TCF7: variants seen among roughly 807,000 people sequenced by gnomAD.
TCF7 encodes transcription factor 7, also known as T-cell-factor-7.
A neutral mutation model predicts 46.8 loss-of-function variants in TCF7; 19 were observed. The observed-to-expected ratio is 0.41, with a 90% CI of 0.28 to 0.60. The LOEUF is 0.60. TCF7 is among the 20% of genes least tolerant of loss of function. The probability of loss-of-function intolerance (pLI) is 0.35; values close to 1 mark genes in which losing one functional copy is unlikely to be tolerated. For synonymous variants in TCF7, 245 were observed against 213.4 expected (o/e 1.15, Z -1.29); for missense variants, 547 against 504.6 (o/e 1.08, Z -0.81).
Position 134,142,308 on chromosome 5 carries a change from A to G in TCF7, c.755+4A>G. 2 of 1,576,648 alleles carry G rather than the reference A, an allele frequency of 1.3e-6. No homozygotes were observed. The highest frequency in any genetic ancestry group is 8.7e-7 in the Non-Finnish European group (1 of 1,155,832). On this transcript the variant is annotated splice_donor_region_variant and intron_variant, in intron 6 of 9. Transcript: ENST00000342854. ...TGCAGCCCTTCGACCGCAACCTGTG[A>G]GTGAAAAGACAATGATGGCAGGGGG... is the stretch of plus-strand genomic sequence containing the variant.
At position 134,147,216 on chromosome 5, in the gene TCF7, C is replaced by T. The variant is rs918556348; in HGVS notation, c.*913C>T. The T allele has an allele frequency of 1.3e-5, 2 of 152,262 alleles. No homozygotes were observed. Among genetic ancestry groups the T allele is most frequent in the African/African-American group, 4.8e-5 (2 of 41,436 alleles). The allele number at this position is 152,262 out of a possible 1,614,324, so 9.4% of individuals were successfully genotyped here. A position where few individuals can be genotyped will look rare whatever the true frequency, so the allele number is the denominator to read the frequency against. ...ATTGGGGAGGGGAGGGTGTATCTAG[C>T]TCTAGTTCAAATTATTTGGAAGTGT... On this transcript the variant is annotated 3_prime_UTR_variant, in exon 10 of 10. Coordinates refer to ENST00000342854, the MANE Select transcript of TCF7 (RefSeq NM_003202.5).
chr5:134,142,928 T>C (rs1179099729), intron 7 of TCF7, 45 bp downstream of exon 7: 3 of 1,611,634 alleles, frequency 1.9e-6, no homozygotes, highest in African/African-American at 2.7e-5. Flanking sequence ...TCCCCGACCA[T>C]CTTCAGCCTG....
At position 134,146,601 on chromosome 5, in the gene TCF7, G is replaced by A. The variant is rs919788712; in HGVS notation, c.*298G>A. 3 of 688,970 alleles carry A rather than the reference G, an allele frequency of 4.4e-6. No homozygotes were observed. The East Asian group carries it at 8.1e-5, about 19-fold the overall frequency. The allele number at this position is 688,970 out of a possible 1,614,324, so 42.7% of individuals were successfully genotyped here. A position where few individuals can be genotyped will look rare whatever the true frequency, so the allele number is the denominator to read the frequency against. ...ACCCAGATCTCATGGAAACTGGCCA[G>A]GGGTCCTGTTAACGTCATCTCAGGG... On this transcript the variant is annotated 3_prime_UTR_variant, in exon 10 of 10. Transcript: ENST00000342854.
Position 134,146,451 on chromosome 5 carries a change from C to T in TCF7, c.*148C>T. 1.1e-6 allele frequency: 1 copy of T among 912,018 alleles called. No individual in the cohort carries two copies. 56.5% of individuals were successfully genotyped at this position (912,018 alleles called of 1,614,324 possible). On this transcript the variant is annotated 3_prime_UTR_variant, in exon 10 of 10. Coordinates refer to ENST00000342854, the MANE Select transcript of TCF7 (RefSeq NM_003202.5). Reference sequence around the variant, plus strand: ...CTCAGCCTCCCAACCCCAGGGCCCCCACAGGCCCCCCGCAGCACCCTGCAG... The same window carrying T: ...CTCAGCCTCCCAACCCCAGGGCCCCTACAGGCCCCCCGCAGCACCCTGCAG...
At chr5:134,118,619 G>A (rs569500025) in intron 3 of TCF7, among the ~76,000 whole-genome samples, 94 of 152,190 alleles carry the variant, frequency 6.2e-4, no homozygotes, top group African/African-American at 1.4e-3. Flanking sequence ...TTCCAAAAAG[G>A]TTCCTTCTTT....
At chr5:134,117,783 A>G (rs1448672783) in intron 3 of TCF7, among the ~76,000 whole-genome samples, 1 of 152,030 alleles carries the variant, frequency 6.6e-6, no homozygotes, top group Non-Finnish European at 1.5e-5. Context: ...ATACATTTCT[A>G]TGTATCGCAC....
In TCF7 at chr5:134,142,698, C is replaced by T. The variant is rs369306035; in HGVS notation, c.756-23C>T. 92 of 1,612,722 alleles carry T rather than the reference C, an allele frequency of 5.7e-5. No homozygotes were observed. In the African/African-American group the frequency reaches 1.1e-3, roughly 20 times the overall value. ...GGTGGGCACTCGGGGGGCTCCTGAACAATCTGGATTTGTGCCCCTCAGGAA... is the reference window on the plus strand; with the variant it reads ...GGTGGGCACTCGGGGGGCTCCTGAATAATCTGGATTTGTGCCCCTCAGGAA... On this transcript the variant is annotated intron_variant, in intron 6 of 9. Transcript: ENST00000342854.
At chr5:134,145,335 TG>T in intron 9 of TCF7, 1 of 541,484 alleles carries the variant, frequency 1.8e-6, no homozygotes, top group Non-Finnish European at 3.6e-6. Context: ...ACCATCTGGT[TG>T]CCAGGTAGCC....
intron 3 of TCF7, among the ~76,000 whole-genome samples, chr5:134,135,883 C>G (rs890507913): frequency 1.3e-5 from 2 of 152,196 alleles, no homozygotes; most frequent in African/African-American, 4.8e-5. Flanking sequence ...GTGTGGCATT[C>G]TGCAAGCCAA....
chr5:134,113,743 A>G (rs1561640401), upstream of TCF7, among the ~76,000 whole-genome samples: 1 of 152,228 alleles, frequency 6.6e-6, no homozygotes, highest in Non-Finnish European at 1.5e-5. Context: ...GCTGGAATCC[A>G]GGCACTTTCC....
In TCF7 at chr5:134,115,427, A is replaced by G. The variant is rs374051038; in HGVS notation, c.316+40A>G. ...GGCCCGGCTTCCCTTCGTCGCGCTC[A>G]GGCCCTGGCCTCGGTGGGACGGGGA... On this transcript the variant is annotated intron_variant, in intron 2 of 9. Coordinates refer to ENST00000342854, the MANE Select transcript of TCF7 (RefSeq NM_003202.5). 1.4e-5 allele frequency: 22 copies of G among 1,567,288 alleles called. No individual in the cohort carries two copies. In the East Asian group the frequency reaches 3.6e-4, roughly 25 times the overall value.
intron 4 of TCF7, 112 bp from the exon 5 acceptor site, chr5:134,138,839 A>G (rs1759293715): frequency 2.7e-6 from 4 of 1,493,564 alleles, no homozygotes; most frequent in Non-Finnish European, 3.6e-6. Context: ...CTGGTCCTCT[A>G]GCAAAGCTGG....
At chr5:134,145,170 C>T in intron 9 of TCF7, 1 of 613,076 alleles carries the variant, frequency 1.6e-6, no homozygotes, top group South Asian at 1.4e-5. Context: ...AGCAAACAGA[C>T]AGCTCAGCCA....
intron 5 of TCF7, among the ~76,000 whole-genome samples, chr5:134,140,279 T>C (rs1580883042): frequency 6.6e-6 from 1 of 152,214 alleles, no homozygotes; most frequent in South Asian, 2.1e-4. Context: ...GAACTCAGTC[T>C]ACCTCGTGGG....
rs1382023967 is a variant in TCF7, at chr5:134,138,962, C to T, written c.559C>T (p.Leu187=). The T allele has an allele frequency of 6.2e-6, 10 of 1,614,008 alleles. No homozygotes were observed. In the South Asian group the frequency reaches 1.1e-4, roughly 18 times the overall value. Reference sequence around the variant, plus strand: ...TCTCTCCTCTGCAGTTCACAGGCCTCTGCAGACCCCTGACCTCTCTGGCTT... The same window carrying T: ...TCTCTCCTCTGCAGTTCACAGGCCTTTGCAGACCCCTGACCTCTCTGGCTT... The part of the protein sequence containing the change: ...DISQKQVHRP[L]QTPDLSGFYS... The change falls in exon 5 of 10, where the codon CTG becomes TTG. Residue 187 remains leucine, a synonymous_variant. Transcript: ENST00000342854.
intron 9 of TCF7, 51 bp from the exon 10 acceptor site, chr5:134,146,173 T>C (rs754035696): frequency 1.2e-6 from 2 of 1,614,056 alleles, no homozygotes; most frequent in South Asian, 1.1e-5. Context: ...TTGTGGTGTA[T>C]GACTATGAAT....
At chr5:134,138,873 AGG>A in intron 4 of TCF7, 76 bp from the exon 5 acceptor site, 2 of 1,579,968 alleles carry the variant, frequency 1.3e-6, no homozygotes, top group South Asian at 1.1e-5. Context: ...CCCCTGTAGG[AGG>A]TTCTAGGATG....
intron 3 of TCF7, among the ~76,000 whole-genome samples, chr5:134,133,509 G>A (rs1319892891): frequency 6.6e-6 from 1 of 152,174 alleles, no homozygotes; most frequent in Non-Finnish European, 1.5e-5. Context: ...CTGGCCCTGA[G>A]ACAGCCTTGT....
chr5:134,136,827 C>T (rs1340904910), intron 3 of TCF7, among the ~76,000 whole-genome samples: 2 of 152,224 alleles, frequency 1.3e-5, no homozygotes, highest in East Asian at 3.8e-4. Context: ...CGAACCCAGG[C>T]CACAGCCCCT....
Sources: gnomAD v4.1 joint callset for allele counts (sites outside exome capture counted in the v4.1 genomes callset) on GRCh38, gnomAD v4.1.1 for gene constraint, MANE v1.5 for transcripts, NCBI Gene and HGNC (gene_info 2026-07-23, HGNC 2026-07-21) for gene names.